Variants in SNRNP200 observed in about 807,000 individuals in gnomAD.
The protein encoded by SNRNP200 is small nuclear ribonucleoprotein U5 subunit 200.
In SNRNP200, 66 loss-of-function variants were observed where a neutral mutation model predicts 255.2. The observed-to-expected ratio is 0.26, with a 90% CI of 0.21 to 0.32. SNRNP200 has a LOEUF of 0.32. Among genes scored for constraint, SNRNP200 ranks in the 10% least tolerant of loss-of-function variants. SNRNP200 has a pLI of 1.00. For missense variants in SNRNP200, 1,585 were observed against 2,749.8 expected (o/e 0.58, Z 9.47); for synonymous variants, 939 against 1,027.8 (o/e 0.91, Z 1.65).
chr2:96,302,984 A>G (rs1195761237), intron 3 of SNRNP200, among the ~76,000 whole-genome samples, 175 bp downstream of exon 3: 3 of 152,154 alleles, frequency 2.0e-5, no homozygotes, highest in Non-Finnish European at 2.9e-5. Flanking sequence ...TTATGTAGGC[A>G]TGATTGATTA....
rs537609511 is a variant in SNRNP200 at position 96,296,722 on chromosome 2, A to C, written c.1516-31T>G. ...GGAGAGGTCAGGGATGAGAACGCCT[A>C]TTCACCTGGTTATTCTCACTGCCCT... On this transcript the variant is annotated intron_variant, in intron 12 of 44. Coordinates refer to ENST00000323853, the MANE Select transcript of SNRNP200 (RefSeq NM_014014.5). 3 of 1,613,226 alleles carry C rather than the reference A, an allele frequency of 1.9e-6. No individual in the cohort carries two copies. The Admixed American group carries it at 5.0e-5, about 27-fold the overall frequency.
chr2:96,295,782 C>T lies in SNRNP200; in HGVS notation c.1672-124G>A, dbSNP rs565964824. ...ATCAACCCATCAGGTGAATACAAGG[C>T]GAATCAGATCTTATGAACATATCTT... is the stretch of plus-strand genomic sequence containing the variant. On this transcript the variant is annotated intron_variant, in intron 13 of 44. Transcript: ENST00000323853. 3.8e-5 allele frequency: 36 copies of T among 936,626 alleles called. 1 individual carries two copies. The highest frequency in any genetic ancestry group is 2.4e-4 in the South Asian group (17 of 71,462). 58.0% of individuals were successfully genotyped at this position (936,626 alleles called of 1,614,324 possible).
At position 96,290,287 on chromosome 2, in the gene SNRNP200, C is replaced by T. The variant is rs748526488; in HGVS notation, c.2742+39G>A. ...CCCACTCCTGGTGCCTTGGTGTCTG[C>T]GGGGAAAGCATGAAGCACAACAAGC... On this transcript the variant is annotated intron_variant, in intron 20 of 44. Transcript: ENST00000323853. This position sits in a 1 kb window ranked among gnomAD's most constrained non-coding sequence, Gnocchi z 4.5. 1.0e-5 allele frequency: 16 copies of T among 1,607,920 alleles called. No individual in the cohort carries two copies. Among genetic ancestry groups the T allele is most frequent in the Middle Eastern group, 2.0e-4 (1 of 4,958 alleles).
chr2:96,287,778 G>C lies in SNRNP200; in HGVS notation c.3365+85C>G, dbSNP rs1259025317. 5 of 1,176,638 alleles carry C rather than the reference G, an allele frequency of 4.2e-6. No individual in the cohort carries two copies. In the African/African-American group the frequency reaches 7.5e-5, roughly 18 times the overall value. 72.9% of individuals were successfully genotyped at this position (1,176,638 alleles called of 1,614,324 possible). A position where few individuals can be genotyped will look rare whatever the true frequency, so the allele number is the denominator to read the frequency against. ...CTTCCGATGTCAGGTCTGGAGATCA[G>C]ATGCACCCTGAGGCTTTCCCATCAG... On this transcript the variant is annotated intron_variant, in intron 25 of 44. Coordinates refer to ENST00000323853, the MANE Select transcript of SNRNP200 (RefSeq NM_014014.5). The surrounding 1 kb of genome is among the most constrained non-coding windows in gnomAD (Gnocchi z 5.7).
intron 11 of SNRNP200, 120 bp downstream of exon 11, chr2:96,297,243 T>C: frequency 6.6e-7 from 1 of 1,512,828 alleles, no homozygotes; most frequent in Non-Finnish European, 9.1e-7. Flanking sequence ...GGGAAAATTC[T>C]GTTGCAGCTT....
chr2:96,290,892 T>A lies in SNRNP200; in HGVS notation c.2422-77A>T. 6.3e-7 allele frequency: 1 copy of A among 1,593,696 alleles called. No homozygotes were observed. The highest frequency in any genetic ancestry group is 8.6e-7 in the Non-Finnish European group (1 of 1,164,906). On this transcript the variant is annotated intron_variant, in intron 18 of 44. Coordinates refer to ENST00000323853, the MANE Select transcript of SNRNP200 (RefSeq NM_014014.5). The surrounding 1 kb of genome is among the most constrained non-coding windows in gnomAD (Gnocchi z 4.5). ...TAATATCCCTGGCTTCTCTAGGCAG[T>A]TGGCCTCAGAGCTTCTCTCAGGACT... is the stretch of plus-strand genomic sequence containing the variant.
In SNRNP200 at chr2:96,278,406, GAGC is replaced by G. The variant is rs1169900827; in HGVS notation, c.5489-51_5489-49del. 2 of 1,613,092 alleles carry G rather than the reference GAGC, an allele frequency of 1.2e-6. No homozygotes were observed. The highest frequency in any genetic ancestry group is 1.7e-6 in the Non-Finnish European group (2 of 1,179,676). ...GAGAAGCTAAAACCAGGCAGAGAAG[GAGC>G]AGAACTGCCCGGGCTCCCCTGCTGT... On this transcript the variant is annotated intron_variant, in intron 38 of 44. Transcript: ENST00000323853. This position sits in a 1 kb window ranked among gnomAD's most constrained non-coding sequence, Gnocchi z 6.9.
In SNRNP200 at chr2:96,276,614, G is replaced by T. The variant is rs544880269; in HGVS notation, c.6174+290C>A. 466 of 404,276 alleles carry T rather than the reference G, an allele frequency of 1.2e-3. 1 individual carries two copies. The highest frequency in any genetic ancestry group is 8.6e-4 in the Non-Finnish European group (182 of 210,926). 25.0% of individuals were successfully genotyped at this position (404,276 alleles called of 1,614,324 possible). Reference sequence around the variant, plus strand: ...TTTTTGTATTTTTAGTAGAGACGGGGTTTCACTATGTTGGCCAGGCTGGTC... The same window carrying T: ...TTTTTGTATTTTTAGTAGAGACGGGTTTTCACTATGTTGGCCAGGCTGGTC... On this transcript the variant is annotated intron_variant, in intron 43 of 44. Coordinates refer to ENST00000323853, the MANE Select transcript of SNRNP200 (RefSeq NM_014014.5).
chr2:96,292,578 G>A (rs755045716), intron 16 of SNRNP200, among the ~76,000 whole-genome samples: 4 of 152,110 alleles, frequency 2.6e-5, no homozygotes, highest in Non-Finnish European at 5.9e-5. Context: ...CTTTTATGGA[G>A]GGACCCTGGA....
chr2:96,302,360 G>T (rs1247942868), intron 3 of SNRNP200, among the ~76,000 whole-genome samples: 1 of 152,176 alleles, frequency 6.6e-6, no homozygotes, highest in South Asian at 2.1e-4. Context: ...CAGAGAAAAG[G>T]TTCAGTCTCC....
In SNRNP200 at chr2:96,283,306, G is replaced by A. The variant is rs2104339357; in HGVS notation, c.4810C>T (p.Leu1604=). 6.2e-7 allele frequency: 1 copy of A among 1,614,094 alleles called. No homozygotes were observed. ...EKDLIPYLEK[L]SDSTLKETLL... ...GTTTCCTTGAGCGTGCTGTCACTTAGCTTCTCCAGGTACGGAATCAGATCC... is the reference window on the plus strand; with the variant it reads ...GTTTCCTTGAGCGTGCTGTCACTTAACTTCTCCAGGTACGGAATCAGATCC... Residue 1604 remains leucine, a synonymous_variant, in exon 34 of 45, where the codon CTA becomes TTA. Transcript: ENST00000323853. This position sits in a 1 kb window ranked among gnomAD's most constrained non-coding sequence, Gnocchi z 4.7.
chr2:96,289,370 G>A lies in SNRNP200; in HGVS notation c.2950C>T (p.Leu984=). The change falls in exon 22 of 45, where the codon CTG becomes TTG. Residue 984 remains leucine, a synonymous_variant. Coordinates refer to ENST00000323853, the MANE Select transcript of SNRNP200 (RefSeq NM_014014.5). ...TAGTAGTGGCTGGCTATACGGCCCA[G>A]TTCTGTCACCTGGAGAGAAGGTAGA... The part of the protein sequence containing the change: ...KKTGNFQVTE[L]GRIASHYYIT... The A allele has an allele frequency of 3.7e-6, 6 of 1,613,998 alleles. No homozygotes were observed. Among genetic ancestry groups the A allele is most frequent in the Non-Finnish European group, 5.1e-6 (6 of 1,179,942 alleles).
chr2:96,285,970 C>T (rs768975200), intron 29 of SNRNP200, among the ~76,000 whole-genome samples: 2 of 152,144 alleles, frequency 1.3e-5, no homozygotes, highest in Non-Finnish European at 2.9e-5. Flanking sequence ...TGTGAATGTC[C>T]CCGTTATTTA....
chr2:96,304,621 G>C, intron 2 of SNRNP200, 84 bp downstream of exon 2: 1 of 1,543,818 alleles, frequency 6.5e-7, no homozygotes, highest in Non-Finnish European at 9.0e-7. Flanking sequence ...CTTACACCAA[G>C]CATTCCAGCA....
Position 96,287,600 on chromosome 2 carries a change from A to T in SNRNP200, c.3366-43T>A, listed in dbSNP as rs749528953. 6.8e-7 allele frequency: 1 copy of T among 1,461,128 alleles called. No individual in the cohort carries two copies. The highest frequency in any genetic ancestry group is 2.3e-5 in the East Asian group (1 of 44,122). 90.5% of individuals were successfully genotyped at this position (1,461,128 alleles called of 1,614,324 possible). On this transcript the variant is annotated intron_variant, in intron 25 of 44. Transcript: ENST00000323853. This position sits in a 1 kb window ranked among gnomAD's most constrained non-coding sequence, Gnocchi z 5.7. ...AAAGCTGTTGGTCCCTTCTGCAGGG[A>T]TGTGACAAACCACCCACTTCATGGC...
intron 14 of SNRNP200, among the ~76,000 whole-genome samples, chr2:96,294,381 T>C (rs141302917): frequency 0.016 from 2,396 of 151,912 alleles, 68 homozygotes; most frequent in African/African-American, 0.055. Flanking sequence ...GAGGCTGTAG[T>C]GAGCTGAGAT....
intron 35 of SNRNP200, chr2:96,281,427 C>A (rs1684758891): frequency 6.9e-6 from 2 of 288,016 alleles, no homozygotes; most frequent in South Asian, 6.5e-5. Flanking sequence ...CCTCAGCCTC[C>A]CAAAGTGCTG....
Position 96,284,257 on chromosome 2 carries a change from G to C in SNRNP200, c.4392+101C>G. On this transcript the variant is annotated intron_variant, in intron 31 of 44. Transcript: ENST00000323853. ...GGCAGCAGGTAGAATCCTCTGGGGA[G>C]AAGCCCCGAGCCTCCGTCCTCAGAC... is the stretch of plus-strand genomic sequence containing the variant. The C allele has an allele frequency of 3.8e-6, 4 of 1,057,034 alleles. No individual in the cohort carries two copies. In the South Asian group the frequency reaches 5.2e-5, roughly 14 times the overall value. The allele number at this position is 1,057,034 out of a possible 1,614,324, so 65.5% of individuals were successfully genotyped here. A position where few individuals can be genotyped will look rare whatever the true frequency, so the allele number is the denominator to read the frequency against.
Position 96,291,981 on chromosome 2 carries a change from C to A in SNRNP200, c.2161-81G>T. On this transcript the variant is annotated intron_variant, in intron 16 of 44. Coordinates refer to ENST00000323853, the MANE Select transcript of SNRNP200 (RefSeq NM_014014.5). This position sits in a 1 kb window ranked among gnomAD's most constrained non-coding sequence, Gnocchi z 4.2. ...CTGCAGCAGGAAGCAGAAGTTGCAC[C>A]ATCACCACCAGAAGCCAAGGTCCTG... 2 of 1,502,002 alleles carry A rather than the reference C, an allele frequency of 1.3e-6. No homozygotes were observed. The highest frequency in any genetic ancestry group is 1.8e-6 in the Non-Finnish European group (2 of 1,089,422). 93.0% of individuals were successfully genotyped at this position (1,502,002 alleles called of 1,614,324 possible).
Sources: allele counts gnomAD v4.1 joint callset (sites outside exome capture counted in the v4.1 genomes callset), GRCh38; gene constraint gnomAD v4.1.1; non-coding constraint Gnocchi (gnomAD v3.1); transcripts MANE v1.5; gene names NCBI Gene and HGNC (gene_info 2026-07-23, HGNC 2026-07-21).